Variants in LIFR observed in about 807,000 individuals in gnomAD.
LIFR encodes the protein leukemia inhibitory factor receptor.
A neutral mutation model predicts 122.2 loss-of-function variants in LIFR; 84 were observed. The ratio of observed to expected loss-of-function variants is 0.69; its 90% confidence interval spans 0.58 to 0.82. The LOEUF (loss-of-function observed/expected upper bound fraction) is 0.82, where lower values mean the gene tolerates loss of function less well. Ranked by LOEUF, LIFR falls within the 40% of genes least tolerant of loss-of-function variation. The pLI is 0.00. For synonymous variants in LIFR, 422 were observed against 434.7 expected, an observed-to-expected ratio of 0.97 and a Z score of 0.36; for missense variants, 1,294 against 1,311.6, an observed-to-expected ratio of 0.99 and a Z score of 0.21.
Position 38,549,799 on chromosome 5 carries a change from A to C in LIFR, c.-20+6535T>G, listed in dbSNP as rs78001636. Among the ~76,000 whole-genome samples, 2,321 of 152,190 alleles carry C rather than the reference A, an allele frequency of 0.015. 189 individuals are homozygous for C. In the East Asian group the frequency reaches 0.25, roughly 17 times the overall value. ...CAGCGAGACTCCGTTTCCACACACA[A>C]AAAAAAACTTACAAAAATTATTTTT... On this transcript the variant is annotated intron_variant, in intron 1 of 19. Coordinates refer to ENST00000453190, the MANE Select transcript of LIFR (RefSeq NM_001127671.2).
chr5:38,564,713 CAATA>C (rs933500005), intron 1 of LIFR, among the ~76,000 whole-genome samples: 20 of 127,520 alleles, frequency 1.6e-4, no homozygotes, highest in African/African-American at 5.4e-4. Flanking sequence ...TATATACACA[CAATA>C]TATATATACA....
Position 38,479,340 on chromosome 5 carries a change from G to A in LIFR, c.*2255C>T, listed in dbSNP as rs1178926594. 6 of 230,976 alleles carry A rather than the reference G, an allele frequency of 2.6e-5. No individual in the cohort carries two copies. The Admixed American group carries it at 2.8e-4, about 11-fold the overall frequency. 14.3% of individuals were successfully genotyped at this position (230,976 alleles called of 1,614,324 possible). Reference sequence around the variant, plus strand: ...TCGTGTAGGGGATCCAAAAGTAGGGGAAAGGTGAGTGATATTCTGCACTTT... The same window carrying A: ...TCGTGTAGGGGATCCAAAAGTAGGGAAAAGGTGAGTGATATTCTGCACTTT... On this transcript the variant is annotated 3_prime_UTR_variant, in exon 20 of 20. Coordinates refer to ENST00000453190, the MANE Select transcript of LIFR (RefSeq NM_001127671.2).
intron 1 of LIFR, among the ~76,000 whole-genome samples, chr5:38,583,797 G>A (rs1749663726): frequency 6.6e-6 from 1 of 152,132 alleles, no homozygotes; most frequent in African/African-American, 2.4e-5. Context: ...TATGTGTTGT[G>A]GGAGGGATCC....
Position 38,476,279 on chromosome 5 carries a change from C to T in LIFR, c.*5316G>A, listed in dbSNP as rs890781619. ...TACTAATGTTAAACCTAACAGTTAACTTTTCCACGTTATAAATGAAAATTG... is the reference window on the plus strand; with the variant it reads ...TACTAATGTTAAACCTAACAGTTAATTTTTCCACGTTATAAATGAAAATTG... On this transcript the variant is annotated 3_prime_UTR_variant, in exon 20 of 20. Transcript: ENST00000453190. The T allele has an allele frequency of 2.4e-5, 5 of 207,830 alleles. No homozygotes were observed. The highest frequency in any genetic ancestry group is 5.9e-5 in the Admixed American group (1 of 16,852). 12.9% of individuals were successfully genotyped at this position (207,830 alleles called of 1,614,324 possible). A position where few individuals can be genotyped will look rare whatever the true frequency, so the allele number is the denominator to read the frequency against.
upstream of LIFR, among the ~76,000 whole-genome samples, chr5:38,598,228 TTTTTATTTATTTA>T (rs1561235405): frequency 8.3e-5 from 4 of 48,120 alleles, no homozygotes; most frequent in African/African-American, 6.0e-4. Context: ...TTTTTTTTTT[TTTTTATTTATTTA>T]TTTATTTTTT....
At chr5:38,506,214 T>C in intron 8 of LIFR, 140 bp from the exon 9 acceptor site, 1 of 646,322 alleles carries the variant, frequency 1.5e-6, no homozygotes, top group Non-Finnish European at 2.7e-6. Context: ...GAGAAGAAAA[T>C]GTATGTGATA....
chr5:38,478,563 C>T lies in LIFR; in HGVS notation c.*3032G>A, dbSNP rs1177221086. 5.2e-6 allele frequency: 1 copy of T among 191,402 alleles called. No individual in the cohort carries two copies. Among genetic ancestry groups the T allele is most frequent in the African/African-American group, 2.3e-5 (1 of 42,928 alleles). 11.9% of individuals were successfully genotyped at this position (191,402 alleles called of 1,614,324 possible). Reference sequence around the variant, plus strand: ...GCAATATATGATTCACAAGGTTCATCTAATGTTAAAAGTCTAGCTAAGTCT... The same window carrying T: ...GCAATATATGATTCACAAGGTTCATTTAATGTTAAAAGTCTAGCTAAGTCT... On this transcript the variant is annotated 3_prime_UTR_variant, in exon 20 of 20. Coordinates refer to ENST00000453190, the MANE Select transcript of LIFR (RefSeq NM_001127671.2).
chr5:38,500,623 T>G (rs1030653637), intron 11 of LIFR, among the ~76,000 whole-genome samples: 3 of 152,216 alleles, frequency 2.0e-5, no homozygotes, highest in African/African-American at 7.2e-5. Flanking sequence ...GTTTTCAGAT[T>G]ACGTATGTTC....
At chr5:38,564,516 C>A (rs1748941654) in intron 1 of LIFR, among the ~76,000 whole-genome samples, 1 of 151,494 alleles carries the variant, frequency 6.6e-6, no homozygotes, top group Non-Finnish European at 1.5e-5. Flanking sequence ...CACACCCAGT[C>A]CCCCATGACT....
At chr5:38,559,685 A>T (rs925187945), upstream of LIFR, among the ~76,000 whole-genome samples, 2 of 152,258 alleles carry the variant, frequency 1.3e-5, no homozygotes, top group Admixed American at 1.3e-4. Flanking sequence ...AAACAGAGTA[A>T]GTCACAAAAC....
Position 38,530,858 on chromosome 5 carries a change from G to A in LIFR, c.-19-192C>T, listed in dbSNP as rs1746968659. The A allele has an allele frequency of 2.7e-5, 15 of 559,380 alleles. No homozygotes were observed. In the South Asian group the frequency reaches 3.0e-4, roughly 11 times the overall value. 34.7% of individuals were successfully genotyped at this position (559,380 alleles called of 1,614,324 possible). On this transcript the variant is annotated intron_variant, in intron 1 of 19. Coordinates refer to ENST00000453190, the MANE Select transcript of LIFR (RefSeq NM_001127671.2). The stretch of plus-strand genomic sequence containing the variant: ...TAATTGGACACAGCTGTTGCTTTAG[G>A]TATCTACTACGAGGCCAATTTTCAA...
At chr5:38,493,548 G>A (rs563838327) in intron 14 of LIFR, 58 bp downstream of exon 14, 257 of 1,488,370 alleles carry the variant, frequency 1.7e-4, no homozygotes, top group Non-Finnish European at 2.2e-4. Flanking sequence ...CCAGTCTTAC[G>A]TGTTGCCTTT....
Position 38,499,499 on chromosome 5 carries a change from AATT to A in LIFR, c.1671+11_1671+13del. 1 of 1,525,166 alleles carries A rather than the reference AATT, an allele frequency of 6.6e-7. No homozygotes were observed. The highest frequency in any genetic ancestry group is 1.1e-5 in the South Asian group (1 of 89,248). 94.5% of individuals were successfully genotyped at this position (1,525,166 alleles called of 1,614,324 possible). ...AAAGTAATGTAAATGTTCACAGAAA[AATT>A]AGATATTTACCTTCCAATAGATTAT... On this transcript the variant is annotated intron_variant, in intron 12 of 19. Coordinates refer to ENST00000453190, the MANE Select transcript of LIFR (RefSeq NM_001127671.2).
chr5:38,486,118 T>C lies in LIFR; in HGVS notation c.2336-138A>G. The C allele has an allele frequency of 3.9e-6, 3 of 761,874 alleles. No homozygotes were observed. The East Asian group carries it at 8.0e-5, about 20-fold the overall frequency. 47.2% of individuals were successfully genotyped at this position (761,874 alleles called of 1,614,324 possible). A position where few individuals can be genotyped will look rare whatever the true frequency, so the allele number is the denominator to read the frequency against. Reference sequence around the variant, plus strand: ...CAGCCAAGGACTCTGGAGCTGCCACTACCTTGTTCAAGCTCTACCCCCACG... The same window carrying C: ...CAGCCAAGGACTCTGGAGCTGCCACCACCTTGTTCAAGCTCTACCCCCACG... On this transcript the variant is annotated intron_variant, in intron 16 of 19. Transcript: ENST00000453190.
chr5:38,599,897 A>G (rs1226926244), upstream of LIFR, among the ~76,000 whole-genome samples: 2 of 152,158 alleles, frequency 1.3e-5, no homozygotes, highest in African/African-American at 2.4e-5. Flanking sequence ...AGTTCAGGCC[A>G]TGATGGGAAG....
chr5:38,530,766 A>G, intron 1 of LIFR, 100 bp from the exon 2 acceptor site: 4 of 1,057,594 alleles, frequency 3.8e-6, no homozygotes, highest in Non-Finnish European at 4.4e-6. Context: ...CAGATTCTGA[A>G]ACACTGTACA....
At chr5:38,484,243 A>T (rs1464458880) in intron 18 of LIFR, among the ~76,000 whole-genome samples, 1 of 152,022 alleles carries the variant, frequency 6.6e-6, no homozygotes, top group African/African-American at 2.4e-5. Flanking sequence ...GCACCCACTC[A>T]CACTCTGCAA....
rs756472947 is a variant in LIFR, at chr5:38,480,986, C to T, written c.*609G>A. The T allele has an allele frequency of 4.9e-5, 11 of 224,262 alleles. No individual in the cohort carries two copies. Among genetic ancestry groups the T allele is most frequent in the Non-Finnish European group, 8.0e-5 (9 of 112,270 alleles). The allele number at this position is 224,262 out of a possible 1,614,324, so 13.9% of individuals were successfully genotyped here. A position where few individuals can be genotyped will look rare whatever the true frequency, so the allele number is the denominator to read the frequency against. ...TACCCCTGAGACAACTGTTTGATAA[C>T]CATTATACAGTAGGCACAGAAATAA... On this transcript the variant is annotated 3_prime_UTR_variant, in exon 20 of 20. Coordinates refer to ENST00000453190, the MANE Select transcript of LIFR (RefSeq NM_001127671.2).
intron 1 of LIFR, among the ~76,000 whole-genome samples, chr5:38,551,362 T>C (rs1748191156): frequency 6.6e-6 from 1 of 152,170 alleles, no homozygotes; most frequent in South Asian, 2.1e-4. Flanking sequence ...CTCATCTCTC[T>C]CCCACTCACC....
Sources: gnomAD v4.1 joint callset for allele counts (sites outside exome capture counted in the v4.1 genomes callset) on GRCh38, gnomAD v4.1.1 for gene constraint, MANE v1.5 for transcripts, NCBI Gene and HGNC (gene_info 2026-07-23, HGNC 2026-07-21) for gene names.